The following TMEM132C variants were observed in gnomAD, a reference collection of about 807,000 sequenced individuals.
The protein encoded by TMEM132C is transmembrane protein 132C, also known as protein phosphatase 1, regulatory subunit 152.
TMEM132C carries 29 observed loss-of-function variants against 61.4 expected under a neutral mutation model. The observed-to-expected ratio is 0.47, with a 90% CI of 0.35 to 0.64. TMEM132C has a LOEUF of 0.64. Ranked by LOEUF, TMEM132C falls within the 30% of genes least tolerant of loss-of-function variation. The pLI is 0.00. For missense variants in TMEM132C, 1,408 were observed against 1,476.9 expected, an observed-to-expected ratio of 0.95 and a Z score of 0.76; for synonymous variants, 656 against 633.1, an observed-to-expected ratio of 1.04 and a Z score of -0.54.
intron 3 of TMEM132C, among the ~76,000 whole-genome samples, chr12:128,598,081 A>G (rs1348298422): frequency 6.6e-6 from 1 of 152,182 alleles, no homozygotes; most frequent in African/African-American, 2.4e-5. Flanking sequence ...TTTTTTAAAG[A>G]TAAAATGTTG....
intron 2 of TMEM132C, among the ~76,000 whole-genome samples, chr12:128,469,640 T>TGTG (rs1870868437): frequency 1.4e-5 from 2 of 146,598 alleles, no homozygotes; most frequent in South Asian, 2.2e-4. Flanking sequence ...GTGTGTGTGT[T>TGTG]TGTGTGTGTG....
chr12:128,522,336 C>T (rs1872933731), intron 2 of TMEM132C, among the ~76,000 whole-genome samples: 1 of 152,214 alleles, frequency 6.6e-6, no homozygotes, highest in African/African-American at 2.4e-5. Context: ...TAGAGTTACT[C>T]ATGGCAGAAT....
intron 4 of TMEM132C, among the ~76,000 whole-genome samples, chr12:128,666,090 C>CAA (rs1555241637): frequency 1.4e-5 from 2 of 143,034 alleles, no homozygotes; most frequent in African/African-American, 5.6e-5. Flanking sequence ...CACACACACA[C>CAA]AGGCACACAT....
At chr12:128,336,389 G>C (rs1872792092) in intron 1 of TMEM132C, among the ~76,000 whole-genome samples, 1 of 152,162 alleles carries the variant, frequency 6.6e-6, no homozygotes, top group Non-Finnish European at 1.5e-5. Context: ...GTTATTTGCT[G>C]ACACTGTATG....
At chr12:128,408,006 A>G (rs2136015687) in intron 1 of TMEM132C, among the ~76,000 whole-genome samples, 1 of 151,238 alleles carries the variant, frequency 6.6e-6, no homozygotes, top group South Asian at 2.1e-4. Context: ...TAGCCACTAT[A>G]CAAGGCCTTG....
rs887495013 is a variant in TMEM132C at position 128,707,396 on chromosome 12, T to C, written c.*1101T>C. The C allele has an allele frequency of 3.3e-5, 5 of 152,234 alleles. No homozygotes were observed. Among genetic ancestry groups the C allele is most frequent in the African/African-American group, 9.6e-5 (4 of 41,456 alleles). The allele number at this position is 152,234 out of a possible 1,614,324, so 9.4% of individuals were successfully genotyped here. A position where few individuals can be genotyped will look rare whatever the true frequency, so the allele number is the denominator to read the frequency against. ...CACAAGACATAACTGATGCTGAACA[T>C]GAACAAAGATAAAAACTGTTTGGAG... On this transcript the variant is annotated 3_prime_UTR_variant, in exon 9 of 9. Transcript: ENST00000435159.
intron 2 of TMEM132C, among the ~76,000 whole-genome samples, chr12:128,513,023 T>C (rs191823753): frequency 8.8e-4 from 134 of 152,078 alleles, no homozygotes; most frequent in African/African-American, 2.9e-3. Flanking sequence ...CACGTGACAC[T>C]GTTTGGATGG....
At chr12:128,393,430 T>G (rs1874836149) in intron 1 of TMEM132C, among the ~76,000 whole-genome samples, 1 of 152,218 alleles carries the variant, frequency 6.6e-6, no homozygotes, top group Non-Finnish European at 1.5e-5. Context: ...GACAACAGGC[T>G]TCACCACCAC....
intron 4 of TMEM132C, among the ~76,000 whole-genome samples, chr12:128,660,489 T>A (rs919725478): frequency 2.4e-4 from 37 of 152,298 alleles, no homozygotes; most frequent in African/African-American, 7.7e-4. Context: ...GCCTCTTAAG[T>A]CCACTTTGAT....
intron 1 of TMEM132C, among the ~76,000 whole-genome samples, chr12:128,372,541 G>A (rs945500183): frequency 6.6e-6 from 1 of 152,038 alleles, no homozygotes; most frequent in African/African-American, 2.4e-5. Context: ...CTAAATTGGG[G>A]ATGTCTTTAC....
At chr12:128,306,951 A>T (rs546807172) in intron 1 of TMEM132C, among the ~76,000 whole-genome samples, 1 of 152,264 alleles carries the variant, frequency 6.6e-6, no homozygotes, top group East Asian at 1.9e-4. Flanking sequence ...ACTAAAGAGG[A>T]TATGGACTGG....
intron 4 of TMEM132C, among the ~76,000 whole-genome samples, chr12:128,625,186 C>T (rs1373947293): frequency 2.0e-5 from 3 of 152,214 alleles, no homozygotes; most frequent in Non-Finnish European, 4.4e-5. Context: ...GCATTTTCTT[C>T]CTATCATAGT....
intron 8 of TMEM132C, among the ~76,000 whole-genome samples, chr12:128,699,571 C>A (rs1253706208): frequency 2.0e-5 from 3 of 152,218 alleles, no homozygotes; most frequent in African/African-American, 7.2e-5. Flanking sequence ...TGCATGGAGT[C>A]TTTCTCATGC....
intron 2 of TMEM132C, among the ~76,000 whole-genome samples, chr12:128,519,785 G>A (rs1872838050): frequency 1.3e-5 from 2 of 152,188 alleles, no homozygotes; most frequent in African/African-American, 4.8e-5. Flanking sequence ...GAAGAATGAG[G>A]GGTTGGCAGT....
chr12:128,478,607 G>T (rs1871227184), intron 2 of TMEM132C, among the ~76,000 whole-genome samples: 1 of 152,182 alleles, frequency 6.6e-6, no homozygotes, highest in Non-Finnish European at 1.5e-5. Context: ...TAAGCATTTT[G>T]TTCTTTTAAG....
intron 4 of TMEM132C, among the ~76,000 whole-genome samples, chr12:128,631,563 G>A (rs976281629): frequency 1.3e-5 from 2 of 152,206 alleles, no homozygotes; most frequent in African/African-American, 4.8e-5. Flanking sequence ...CATAGTGGAA[G>A]ATTTTGAATT....
chr12:128,675,922 G>T (rs762263204), intron 5 of TMEM132C, among the ~76,000 whole-genome samples: 13 of 152,076 alleles, frequency 8.5e-5, no homozygotes, highest in Non-Finnish European at 1.9e-4. Flanking sequence ...AACCACTTCA[G>T]AGTAAGTTAC....
chr12:128,314,458 C>T (rs1377311552), intron 1 of TMEM132C, among the ~76,000 whole-genome samples: 5 of 152,130 alleles, frequency 3.3e-5, no homozygotes, highest in Non-Finnish European at 7.3e-5. Flanking sequence ...ATCTGGCATC[C>T]GGATAGTAGG....
intron 4 of TMEM132C, among the ~76,000 whole-genome samples, chr12:128,632,779 G>C (rs1193510579): frequency 1.5e-4 from 23 of 152,260 alleles, no homozygotes; most frequent in Non-Finnish European, 1.5e-4. Context: ...CTAGGCAAAG[G>C]CTTCTCCTGA....
Sources: gnomAD v4.1 joint callset for allele counts (sites outside exome capture counted in the v4.1 genomes callset) on GRCh38, gnomAD v4.1.1 for gene constraint, MANE v1.5 for transcripts, NCBI Gene and HGNC (gene_info 2026-07-23, HGNC 2026-07-21) for gene names.